PTGR1: variants seen among roughly 807,000 people sequenced by gnomAD.
PTGR1 encodes prostaglandin reductase 1.
Under a neutral mutation model 37.7 loss-of-function variants are expected in PTGR1, and 23 were observed. The observed-to-expected ratio is 0.61, with a 90% confidence interval of 0.44 to 0.86. The LOEUF is 0.86. PTGR1 is among the 40% of genes least tolerant of loss of function. The probability of loss-of-function intolerance (pLI) is 0.00; values close to 1 mark genes in which losing one functional copy is unlikely to be tolerated. For missense variants in PTGR1, 351 were observed against 394.3 expected (o/e 0.89, Z 0.93); for synonymous variants, 134 against 140.0 (o/e 0.96, Z 0.30).
Position 111,585,864 on chromosome 9 carries a change from T to C in PTGR1, c.377+134A>G, listed in dbSNP as rs538776407. 7.1e-6 allele frequency: 7 copies of C among 985,920 alleles called. No homozygotes were observed. In the South Asian group the frequency reaches 1.2e-4, roughly 16 times the overall value. The allele number at this position is 985,920 out of a possible 1,614,324, so 61.1% of individuals were successfully genotyped here. A position where few individuals can be genotyped will look rare whatever the true frequency, so the allele number is the denominator to read the frequency against. Reference sequence around the variant, plus strand: ...TTAGGTTGATCTGCCATCTTGGTCCTGCCCTCTTCTCTGATCAGCCCCTGA... The same window carrying C: ...TTAGGTTGATCTGCCATCTTGGTCCCGCCCTCTTCTCTGATCAGCCCCTGA... On this transcript the variant is annotated intron_variant, in intron 5 of 9. Transcript: ENST00000407693.
chr9:111,553,292 TGCCAGTTGTAGTACCA>T (rs1828025449), intron 9 of PTGR1, among the ~76,000 whole-genome samples: 1 of 152,250 alleles, frequency 6.6e-6, no homozygotes, highest in Admixed American at 6.5e-5. Context: ...TTCTTGACTA[TGCCAGTTGTAGTACCA>T]GCTTCTGTAT....
intron 5 of PTGR1, among the ~76,000 whole-genome samples, chr9:111,584,575 T>C (rs1048684499): frequency 6.6e-6 from 1 of 152,120 alleles, no homozygotes; most frequent in Non-Finnish European, 1.5e-5. Context: ...TGGCACTGTA[T>C]ATATATTTCC....
intron 5 of PTGR1, among the ~76,000 whole-genome samples, chr9:111,584,237 T>G (rs948498447): frequency 1.3e-5 from 2 of 152,190 alleles, no homozygotes; most frequent in Admixed American, 6.5e-5. Context: ...GAAGGTGATA[T>G]GATTGAAGAC....
At chr9:111,591,292 C>T (rs1466920813) in intron 4 of PTGR1, among the ~76,000 whole-genome samples, 2 of 148,248 alleles carry the variant, frequency 1.3e-5, no homozygotes, top group Non-Finnish European at 3.0e-5. Flanking sequence ...AGTGAGACTC[C>T]GTCTCAAAAA....
intron 7 of PTGR1, 128 bp from the exon 8 acceptor site, chr9:111,574,970 C>A: frequency 1.4e-6 from 1 of 724,902 alleles, no homozygotes; most frequent in Non-Finnish European, 2.3e-6. Flanking sequence ...ATTAGCCCAA[C>A]AGTGCAGAAG....
intron 8 of PTGR1, among the ~76,000 whole-genome samples, 153 bp from the exon 9 acceptor site, chr9:111,570,362 G>C (rs1282606155): frequency 6.6e-6 from 1 of 152,100 alleles, no homozygotes; most frequent in African/African-American, 2.4e-5. Context: ...CCACGGGACT[G>C]CTGGCCAATC....
chr9:111,553,633 G>A (rs1016521101), intron 9 of PTGR1, among the ~76,000 whole-genome samples: 3 of 152,202 alleles, frequency 2.0e-5, no homozygotes, highest in Non-Finnish European at 4.4e-5. Flanking sequence ...GATAATGCAC[G>A]TTCCTGTACA....
intron 9 of PTGR1, among the ~76,000 whole-genome samples, chr9:111,551,106 A>G (rs1475871847): frequency 6.6e-6 from 1 of 152,260 alleles, no homozygotes; most frequent in African/African-American, 2.4e-5. Context: ...TTTAGAAAAT[A>G]AAACAGGTAA....
intron 9 of PTGR1, 121 bp downstream of exon 9, chr9:111,569,970 C>A: frequency 6.8e-7 from 1 of 1,479,164 alleles, no homozygotes; most frequent in Non-Finnish European, 9.2e-7. Flanking sequence ...CACAATGACC[C>A]AATAGGGAAA....
chr9:111,551,394 GT>G (rs1318646819), intron 9 of PTGR1, among the ~76,000 whole-genome samples: 3 of 115,498 alleles, frequency 2.6e-5, no homozygotes, highest in Non-Finnish European at 5.2e-5. Flanking sequence ...CAAGTATCCA[GT>G]TTTTGTTTTT....
chr9:111,597,471 G>T, intron 1 of PTGR1, 39 bp from the exon 2 acceptor site: 2 of 1,312,292 alleles, frequency 1.5e-6, no homozygotes, highest in South Asian at 2.5e-5. Context: ...GCCATGAAGT[G>T]ACTGCATTCT....
At chr9:111,577,010 G>T (rs1291078717) in intron 7 of PTGR1, 1 of 152,028 alleles carries the variant, frequency 6.6e-6, no homozygotes, top group African/African-American at 2.4e-5. Flanking sequence ...AGAATCACTT[G>T]AACTCGGGAG....
intron 2 of PTGR1, among the ~76,000 whole-genome samples, chr9:111,594,472 A>C (rs762244523): frequency 6.6e-6 from 1 of 151,906 alleles, no homozygotes; most frequent in African/African-American, 2.4e-5. Context: ...ACAAGCCTGC[A>C]TATGTACCCC....
In PTGR1 at chr9:111,589,915, G is replaced by A. The variant is rs1022309231; in HGVS notation, c.209+3011C>T. 4.6e-5 allele frequency among the ~76,000 whole-genome samples: 7 copies of A among 152,290 alleles called. No individual in the cohort carries two copies. In the East Asian group the frequency reaches 5.8e-4, roughly 13 times the overall value. On this transcript the variant is annotated intron_variant, in intron 4 of 9. Transcript: ENST00000407693. ...CTCCCAAAGTGCTGGGATTGCAAGC[G>A]TGAGCCACTGCCCCCGGCATGAATA...
intron 9 of PTGR1, among the ~76,000 whole-genome samples, chr9:111,557,345 G>A (rs1828153344): frequency 6.6e-6 from 1 of 151,494 alleles, no homozygotes; most frequent in African/African-American, 2.4e-5. Context: ...CTGCACTCCA[G>A]TTTGGGCGAC....
chr9:111,561,625 T>A (rs1828324969), downstream of PTGR1, among the ~76,000 whole-genome samples: 1 of 152,216 alleles, frequency 6.6e-6, no homozygotes, highest in Admixed American at 6.5e-5. Flanking sequence ...TGTATAGACA[T>A]TCCTGTGTGT....
chr9:111,583,035 G>A (rs1385196667), intron 6 of PTGR1, among the ~76,000 whole-genome samples: 1 of 152,238 alleles, frequency 6.6e-6, no homozygotes, highest in Non-Finnish European at 1.5e-5. Flanking sequence ...TAGTTCCCAA[G>A]CCATGGCCCC....
intron 1 of PTGR1, 127 bp downstream of exon 1, chr9:111,599,476 C>T (rs905665581): frequency 1.3e-5 from 2 of 152,270 alleles, no homozygotes; most frequent in Admixed American, 6.5e-5. Flanking sequence ...GCGGTCATTT[C>T]GACGTAAGGG....
chr9:111,568,825 C>T (rs758346621), intron 9 of PTGR1, among the ~76,000 whole-genome samples: 14 of 152,280 alleles, frequency 9.2e-5, no homozygotes, highest in Non-Finnish European at 1.6e-4. Context: ...CAGGTTCCCC[C>T]GATACACTAC....
Sources: gnomAD v4.1 joint callset for allele counts (sites outside exome capture counted in the v4.1 genomes callset) on GRCh38, gnomAD v4.1.1 for gene constraint, MANE v1.5 for transcripts, NCBI Gene and HGNC (gene_info 2026-07-23, HGNC 2026-07-21) for gene names.